TMEM132B: variants seen among roughly 807,000 people sequenced by gnomAD.
The protein encoded by TMEM132B is transmembrane protein 132B.
TMEM132B carries 18 observed loss-of-function variants against 90.8 expected under a neutral mutation model. The observed-to-expected ratio is 0.20, with a 90% CI of 0.14 to 0.29. The LOEUF (loss-of-function observed/expected upper bound fraction) is 0.29, where lower values mean the gene tolerates loss of function less well. Among genes scored for constraint, TMEM132B ranks in the 10% least tolerant of loss-of-function variants. The probability of loss-of-function intolerance (pLI) is 1.00; values close to 1 mark genes in which losing one functional copy is unlikely to be tolerated. For missense variants in TMEM132B, 1,096 were observed against 1,326.8 expected (o/e 0.83, Z 2.70); for synonymous variants, 504 against 523.3 (o/e 0.96, Z 0.50).
In TMEM132B at chr12:125,407,136, C is replaced by T. The variant is rs950825399; in HGVS notation, c.960-8395C>T. ...CAGTGGTCAAGCAGATCCCATGTGGCCCAAGCCTCCCTACTATAAATCATA... is the reference window on the plus strand; with the variant it reads ...CAGTGGTCAAGCAGATCCCATGTGGTCCAAGCCTCCCTACTATAAATCATA... On this transcript the variant is annotated intron_variant, in intron 2 of 8. Transcript: ENST00000682704. The surrounding 1 kb of genome is among the most constrained non-coding windows in gnomAD (Gnocchi z 6.7). Among the ~76,000 whole-genome samples the T allele has an allele frequency of 3.3e-5, 5 of 152,312 alleles. No homozygotes were observed. The highest frequency in any genetic ancestry group is 7.4e-5 in the Non-Finnish European group (5 of 68,020).
At chr12:125,367,062 A>G (rs936070620) in intron 2 of TMEM132B, among the ~76,000 whole-genome samples, 1 of 151,972 alleles carries the variant, frequency 6.6e-6, no homozygotes, top group African/African-American at 2.4e-5. Flanking sequence ...ATGGCTTTTT[A>G]TTCATTAAGA....
intron 1 of TMEM132B, among the ~76,000 whole-genome samples, chr12:125,333,813 A>C (rs1183721355): frequency 2.0e-5 from 3 of 152,192 alleles, no homozygotes; most frequent in Non-Finnish European, 4.4e-5. Context: ...TGAGTAGGTA[A>C]AATAAAAATA....
At position 125,232,585 on chromosome 12, in the gene TMEM132B, A is replaced by T. The variant is rs575828456; in HGVS notation, c.67+45719A>T. ...TTGGCATTAGGAGAAAGTCCTGGGC[A>T]CAAATATAGAATTGACACCTGCTTG... On this transcript the variant is annotated intron_variant, in intron 1 of 8. Coordinates refer to ENST00000682704, the MANE Select transcript of TMEM132B (RefSeq NM_001366854.1). 3.9e-5 allele frequency among the ~76,000 whole-genome samples: 6 copies of T among 152,362 alleles called. No individual in the cohort carries two copies. In the East Asian group the frequency reaches 1.2e-3, roughly 29 times the overall value.
intron 4 of TMEM132B, among the ~76,000 whole-genome samples, chr12:125,583,266 C>G (rs1290847907): frequency 6.6e-6 from 1 of 152,092 alleles, no homozygotes; most frequent in Non-Finnish European, 1.5e-5. Flanking sequence ...GAGAAACGCA[C>G]ATGTCAGCAT....
At chr12:125,484,149 C>T (rs11058198) in intron 3 of TMEM132B, among the ~76,000 whole-genome samples, 44,035 of 152,022 alleles carry the variant, frequency 0.29, 6,684 homozygotes, top group East Asian at 0.51. Context: ...ATCTGCCTGC[C>T]TTGGCCCCCC....
At chr12:125,212,872 A>G (rs1315929708) in intron 1 of TMEM132B, among the ~76,000 whole-genome samples, 1 of 152,112 alleles carries the variant, frequency 6.6e-6, no homozygotes, top group African/African-American at 2.4e-5. Context: ...ATAACCTATC[A>G]TCGACAGGGT....
chr12:125,212,201 T>C (rs1873335162), intron 1 of TMEM132B, among the ~76,000 whole-genome samples: 2 of 152,326 alleles, frequency 1.3e-5, no homozygotes, highest in Admixed American at 1.3e-4. Flanking sequence ...TTCTCCACTC[T>C]GGCTCCCTGG....
At position 125,277,410 on chromosome 12, in the gene TMEM132B, C is replaced by T. The variant is rs536660091; in HGVS notation, c.68-72042C>T. 9.3e-4 allele frequency among the ~76,000 whole-genome samples: 141 copies of T among 151,094 alleles called. No homozygotes were observed. Among genetic ancestry groups the T allele is most frequent in the Non-Finnish European group, 1.7e-3 (115 of 67,848 alleles). ...TGGAGAATCGCTTGAACCTGGGAGG[C>T]GGAGGTTGCAGTGAGCCAAGATCGT... On this transcript the variant is annotated intron_variant, in intron 1 of 8. Coordinates refer to ENST00000682704, the MANE Select transcript of TMEM132B (RefSeq NM_001366854.1). The surrounding 1 kb of genome is among the most constrained non-coding windows in gnomAD (Gnocchi z 4.3).
chr12:125,434,181 G>A (rs1335594569), intron 3 of TMEM132B, among the ~76,000 whole-genome samples: 2 of 152,148 alleles, frequency 1.3e-5, no homozygotes, highest in Non-Finnish European at 2.9e-5. Context: ...GGGTGGCCCT[G>A]TATCCCTCTG....
intron 4 of TMEM132B, among the ~76,000 whole-genome samples, chr12:125,549,136 C>T (rs1470694924): frequency 6.6e-6 from 1 of 152,188 alleles, no homozygotes; most frequent in Non-Finnish European, 1.5e-5. Flanking sequence ...AATGTCACTT[C>T]ATAGGGCAGA....
chr12:125,601,331 A>G (rs1262161957), intron 5 of TMEM132B, among the ~76,000 whole-genome samples: 1 of 152,198 alleles, frequency 6.6e-6, no homozygotes, highest in Non-Finnish European at 1.5e-5. Context: ...ACACACAACT[A>G]CATGGAAATT....
At chr12:125,284,824 A>C (rs779101913) in intron 1 of TMEM132B, among the ~76,000 whole-genome samples, 1 of 152,166 alleles carries the variant, frequency 6.6e-6, no homozygotes, top group Admixed American at 6.5e-5. Flanking sequence ...AGGTGCACGA[A>C]CCATGTCATT....
intron 2 of TMEM132B, among the ~76,000 whole-genome samples, chr12:125,369,506 GA>G (rs1226578890): frequency 1.3e-5 from 2 of 152,016 alleles, no homozygotes; most frequent in African/African-American, 2.4e-5. Flanking sequence ...ATCATGAGAA[GA>G]AAAAAGAGCT....
At chr12:125,652,821 T>C (rs962907121) in intron 8 of TMEM132B, among the ~76,000 whole-genome samples, 189 bp downstream of exon 8, 4 of 152,234 alleles carry the variant, frequency 2.6e-5, no homozygotes, top group African/African-American at 9.6e-5. Context: ...TTTCCTCTTA[T>C]GTGCTTTTCC....
chr12:125,355,890 C>T lies in TMEM132B; in HGVS notation c.959+5547C>T, dbSNP rs551197143. 5.9e-5 allele frequency among the ~76,000 whole-genome samples: 9 copies of T among 152,234 alleles called. No individual in the cohort carries two copies. In the South Asian group the frequency reaches 8.3e-4, roughly 14 times the overall value. ...GGGCCCGTCTGAACAAAAATTAAATCGGTGATTCTCTAATACCAAGATAGA... is the reference window on the plus strand; with the variant it reads ...GGGCCCGTCTGAACAAAAATTAAATTGGTGATTCTCTAATACCAAGATAGA... On this transcript the variant is annotated intron_variant, in intron 2 of 8. Transcript: ENST00000682704.
At chr12:125,353,977 G>A (rs1877680377) in intron 2 of TMEM132B, among the ~76,000 whole-genome samples, 1 of 152,158 alleles carries the variant, frequency 6.6e-6, no homozygotes. Flanking sequence ...GAAAAATCAA[G>A]CAATGAACTG....
At chr12:125,368,549 T>C (rs369907449) in intron 2 of TMEM132B, among the ~76,000 whole-genome samples, 6 of 152,356 alleles carry the variant, frequency 3.9e-5, no homozygotes, top group African/African-American at 1.2e-4. Flanking sequence ...CATGATTTCC[T>C]TTTTTGCATG....
chr12:125,627,026 A>G (rs1307091501), intron 5 of TMEM132B, among the ~76,000 whole-genome samples: 1 of 151,978 alleles, frequency 6.6e-6, no homozygotes, highest in Non-Finnish European at 1.5e-5. Flanking sequence ...GGTAATTCCT[A>G]TTGATTACCT....
At chr12:125,416,810 C>T (rs1468258185) in intron 3 of TMEM132B, among the ~76,000 whole-genome samples, 1 of 152,330 alleles carries the variant, frequency 6.6e-6, no homozygotes, top group African/African-American at 2.4e-5. Context: ...TTCTCTACAT[C>T]TATCGACAGA....
Sources: allele counts gnomAD v4.1 joint callset (sites outside exome capture counted in the v4.1 genomes callset), GRCh38; gene constraint gnomAD v4.1.1; non-coding constraint Gnocchi (gnomAD v3.1); transcripts MANE v1.5; gene names NCBI Gene and HGNC (gene_info 2026-07-23, HGNC 2026-07-21).